The following OGFR variants were observed in gnomAD, a reference collection of about 807,000 sequenced individuals.
OGFR encodes the protein protein 7-60.
A neutral mutation model predicts 33.6 loss-of-function variants in OGFR; 18 were observed. That is an observed-to-expected ratio of 0.54 (90% CI 0.37 to 0.80). The LOEUF (loss-of-function observed/expected upper bound fraction) is 0.80. OGFR is among the 30% of genes least tolerant of loss of function. The pLI is 0.00. For missense variants in OGFR, 877 were observed against 955.8 expected (o/e 0.92, Z 1.09); for synonymous variants, 370 against 400.7 (o/e 0.92, Z 0.91).
chr20:62,810,600 A>G (rs1446907635), intron 5 of OGFR, 35 bp downstream of exon 5: 1 of 1,605,100 alleles, frequency 6.2e-7, no homozygotes, highest in Admixed American at 1.7e-5. Flanking sequence ...GGAGGGGAAG[A>G]TGGGGAGGCC....
In OGFR at chr20:62,812,457, G is replaced by A. The variant is rs200108407; in HGVS notation, c.842G>A (p.Arg281His). Residue 281 changes from arginine to histidine, a missense_variant, in exon 7 of 7, where the codon CGC becomes CAC. Around this residue, in one of 3 missense-constraint regions of OGFR, gnomAD observed 760 missense variants for 736.0 expected, o/e 1.03. Transcript: ENST00000290291. Reference protein sequence around the residue: ...VHFAWEHFRPRCKFVWGPQDK... With the variant: ...VHFAWEHFRPHCKFVWGPQDK... ...TTCGCCTGGGAGCACTTCCGGCCCC[G>A]CTGCAAGTTCGTCTGGGGGCCCCAA... 1,934 of 1,580,412 alleles carry A rather than the reference G, an allele frequency of 1.2e-3. 5 individuals are homozygous for A. The highest frequency in any genetic ancestry group is 1.5e-3 in the Non-Finnish European group (1,723 of 1,163,632).
At chr20:62,811,024 G>C (rs1009272039) in intron 5 of OGFR, among the ~76,000 whole-genome samples, 5 of 152,240 alleles carry the variant, frequency 3.3e-5, no homozygotes, top group Admixed American at 2.0e-4. Flanking sequence ...CAGCTCAGAG[G>C]AGAGATGGAG....
At chr20:62,808,187 G>A (rs755891860) in intron 2 of OGFR, 60 bp from the exon 3 acceptor site, 19 of 1,323,252 alleles carry the variant, frequency 1.4e-5, no homozygotes, top group Middle Eastern at 3.6e-4. Flanking sequence ...AAGACACGGA[G>A]GGCCCCAGGG....
intron 3 of OGFR, 111 bp from the exon 4 acceptor site, chr20:62,809,474 T>C: frequency 1.2e-6 from 1 of 802,354 alleles, no homozygotes; most frequent in Non-Finnish European, 2.2e-6. Context: ...GAGGAATAGC[T>C]TGGGGAAGCT....
At chr20:62,809,742 C>A in intron 4 of OGFR, 79 bp downstream of exon 4, 1 of 1,150,822 alleles carries the variant, frequency 8.7e-7, no homozygotes, top group Non-Finnish European at 1.3e-6. Flanking sequence ...GCCCTCCCGA[C>A]GCTGCTTCCT....
rs202064940 is a variant in OGFR at position 62,813,391 on chromosome 20, T to C, written c.1776T>C (p.Asp592=). ...PGPSPAGPTR[D]EPAESPSETP... ...CCAGCCCGGCAGGACCTACAAGGGA[T>C]GAGCCAGCCGAGAGCCCATCGGAGA... Residue 592 remains aspartate (D), a synonymous_variant, in exon 7 of 7, where the codon GAT becomes GAC. Coordinates refer to ENST00000290291, the MANE Select transcript of OGFR (RefSeq NM_007346.4). 1.6e-5 allele frequency: 23 copies of C among 1,465,932 alleles called. 1 individual carries two copies. The highest frequency in any genetic ancestry group is 2.5e-5 in the East Asian group (1 of 39,236). The allele number at this position is 1,465,932 out of a possible 1,614,324, so 90.8% of individuals were successfully genotyped here.
Position 62,812,531 on chromosome 20 carries a change from G to T in OGFR, c.916G>T (p.Gly306Cys), listed in dbSNP as rs1323009162. The T allele has an allele frequency of 1.3e-6, 2 of 1,586,034 alleles. No individual in the cohort carries two copies. The highest frequency in any genetic ancestry group is 8.6e-7 in the Non-Finnish European group (1 of 1,166,792). Residue 306 changes from glycine (G) to cysteine (C), a missense_variant, in exon 7 of 7, where the codon GGC (glycine) becomes TGC (cysteine). Gly to Cys is a radical substitution (Grantham distance 159). Transcript: ENST00000290291. ...KPSSLPHPLEGSRKVEEEGSP... is the reference protein window; with the variant it reads ...KPSSLPHPLECSRKVEEEGSP... ...CAGCTCTCTGCCCCATCCGCTCGAGGGCTCCAGGAAGGTGGAGGAGGAAGG... is the reference window on the plus strand; with the variant it reads ...CAGCTCTCTGCCCCATCCGCTCGAGTGCTCCAGGAAGGTGGAGGAGGAAGG...
rs373740743 is a variant in OGFR at position 62,813,838 on chromosome 20, C to G, written c.*189C>G. Reference sequence around the variant, plus strand: ...CGAGGCCCTCAGGGAAGCCCAAGGCCTGCAGAAGCCTCCTGGCCTGGCTGT... The same window carrying G: ...CGAGGCCCTCAGGGAAGCCCAAGGCGTGCAGAAGCCTCCTGGCCTGGCTGT... On this transcript the variant is annotated 3_prime_UTR_variant, in exon 7 of 7. Transcript: ENST00000290291. 2 of 646,340 alleles carry G rather than the reference C, an allele frequency of 3.1e-6. No individual in the cohort carries two copies. Among genetic ancestry groups the G allele is most frequent in the East Asian group, 5.5e-5 (2 of 36,610 alleles). 40.0% of individuals were successfully genotyped at this position (646,340 alleles called of 1,614,324 possible). A position where few individuals can be genotyped will look rare whatever the true frequency, so the allele number is the denominator to read the frequency against.
rs1990793566 is a variant in OGFR at position 62,813,419 on chromosome 20, C to T, written c.1804C>T (p.Pro602Ser). 2 of 1,533,572 alleles carry T rather than the reference C, an allele frequency of 1.3e-6. No individual in the cohort carries two copies. The highest frequency in any genetic ancestry group is 1.7e-6 in the Non-Finnish European group (2 of 1,154,536). 95.0% of individuals were successfully genotyped at this position (1,533,572 alleles called of 1,614,324 possible). A position where few individuals can be genotyped will look rare whatever the true frequency, so the allele number is the denominator to read the frequency against. Residue 602 changes from proline (P) to serine (S), a missense_variant, in exon 7 of 7, where the codon CCA becomes TCA. Physicochemically the swap from Pro to Ser is moderately conservative, Grantham distance 74. Coordinates refer to ENST00000290291, the MANE Select transcript of OGFR (RefSeq NM_007346.4). ...DEPAESPSET[P>S]GPRPAGPAGD... is the part of the protein sequence containing the mutation. ...GCCAGCCGAGAGCCCATCGGAGACC[C>T]CAGGCCCCCGCCCGGCAGGACCTGC...
rs770435292 is a variant in OGFR at position 62,804,925 on chromosome 20, C to G, written c.66C>G (p.Asp22Glu). The G allele has an allele frequency of 6.7e-7, 1 of 1,493,986 alleles. No individual in the cohort carries two copies. Among genetic ancestry groups the G allele is most frequent in the South Asian group, 1.3e-5 (1 of 79,242 alleles). The allele number at this position is 1,493,986 out of a possible 1,614,324, so 92.5% of individuals were successfully genotyped here. ...EDEEDAEDAEDEDCEDGEAAG... is the reference protein window; with the variant it reads ...EDEEDAEDAEEEDCEDGEAAG... ...AGGAGGATGCGGAGGACGCGGAGGA[C>G]GAGGACTGCGAGGACGGCGAGGCCG... The change falls in exon 1 of 7, where the codon GAC becomes GAG. Residue 22 changes from aspartate (D) to glutamate (E), a missense_variant. By Grantham distance (45) the Asp-to-Glu change is conservative (BLOSUM62 2). Coordinates refer to ENST00000290291, the MANE Select transcript of OGFR (RefSeq NM_007346.4).
rs916795153 is a variant in OGFR, at chr20:62,813,535, G to A, written c.1920G>A (p.Glu640=). 7 of 1,604,862 alleles carry A rather than the reference G, an allele frequency of 4.4e-6. No homozygotes were observed. Among genetic ancestry groups the A allele is most frequent in the Non-Finnish European group, 4.2e-6 (5 of 1,178,104 alleles). Reference sequence around the variant, plus strand: ...ACGAGCCAGCCGAGAGCCCATCGGAGACCCCAGGCCCCAGCCCGGCAGGAC... The same window carrying A: ...ACGAGCCAGCCGAGAGCCCATCGGAAACCCCAGGCCCCAGCCCGGCAGGAC... ...AGDEPAESPS[E]TPGPSPAGPT... The change falls in exon 7 of 7, where the codon GAG becomes GAA. Residue 640 remains glutamate, a synonymous_variant. Coordinates refer to ENST00000290291, the MANE Select transcript of OGFR (RefSeq NM_007346.4).
chr20:62,806,354 C>G (rs1016166601), intron 1 of OGFR: 16 of 152,168 alleles, frequency 1.1e-4, no homozygotes, highest in African/African-American at 3.9e-4. Flanking sequence ...ATTAGCCTGG[C>G]CAACATGGTG....
intron 1 of OGFR, among the ~76,000 whole-genome samples, chr20:62,805,244 C>T (rs1222204415): frequency 1.3e-5 from 2 of 151,874 alleles, no homozygotes; most frequent in African/African-American, 4.8e-5. Context: ...AGCTGAGCCT[C>T]CCGGGCCCCA....
intron 5 of OGFR, 55 bp from the exon 6 acceptor site, chr20:62,811,407 C>T: frequency 1.3e-6 from 2 of 1,594,042 alleles, no homozygotes; most frequent in Non-Finnish European, 1.7e-6. Flanking sequence ...CCCCCACACT[C>T]AGGAACCGGG....
chr20:62,806,474 A>G (rs1990595490), intron 1 of OGFR: 1 of 150,862 alleles, frequency 6.6e-6, no homozygotes, highest in Admixed American at 6.6e-5. Flanking sequence ...TGGGAGGTGG[A>G]GGTTGCAGTG....
chr20:62,808,834 G>A (rs1052752659), intron 3 of OGFR, among the ~76,000 whole-genome samples: 1 of 151,930 alleles, frequency 6.6e-6, no homozygotes, highest in Non-Finnish European at 1.5e-5. Context: ...AATTAGCCAG[G>A]TGTGGTAGCG....
At position 62,812,554 on chromosome 20, in the gene OGFR, A is replaced by G. The variant is rs1284920580; in HGVS notation, c.939A>G (p.Glu313=). 1 of 1,584,236 alleles carries G rather than the reference A, an allele frequency of 6.3e-7. No individual in the cohort carries two copies. Among genetic ancestry groups the G allele is most frequent in the Non-Finnish European group, 8.6e-7 (1 of 1,165,740 alleles). The change falls in exon 7 of 7, where the codon GAA becomes GAG. Residue 313 remains glutamate (E), a synonymous_variant. Coordinates refer to ENST00000290291, the MANE Select transcript of OGFR (RefSeq NM_007346.4). ...AGGGCTCCAGGAAGGTGGAGGAGGA[A>G]GGAAGCCCCGGGGACCCCGACCACG... The part of the protein sequence containing the change: ...PLEGSRKVEE[E]GSPGDPDHEA...
In OGFR at chr20:62,804,935, G is replaced by A. The variant is rs1990547712; in HGVS notation, c.76G>A (p.Glu26Lys). The A allele has an allele frequency of 6.7e-7, 1 of 1,494,734 alleles. No homozygotes were observed. Among genetic ancestry groups the A allele is most frequent in the Non-Finnish European group, 8.9e-7 (1 of 1,122,316 alleles). 92.6% of individuals were successfully genotyped at this position (1,494,734 alleles called of 1,614,324 possible). Residue 26 changes from glutamate to lysine, a missense_variant, in exon 1 of 7, where the codon GAG becomes AAG. By Grantham distance (56) the Glu-to-Lys change is moderately conservative. This residue lies in a region of OGFR where 760 missense variants were observed against 736.0 expected (regional missense o/e 1.03). Coordinates refer to ENST00000290291, the MANE Select transcript of OGFR (RefSeq NM_007346.4). ...GGAGGACGCGGAGGACGAGGACTGC[G>A]AGGACGGCGAGGCCGCCGGCGCGAG... ...DAEDAEDEDC[E>K]DGEAAGARDA... is the part of the protein sequence containing the mutation.
intron 1 of OGFR, among the ~76,000 whole-genome samples, 153 bp downstream of exon 1, chr20:62,805,183 A>T (rs902710283): frequency 6.7e-6 from 1 of 148,944 alleles, no homozygotes; most frequent in Non-Finnish European, 1.5e-5. Context: ...GCCGACCCCC[A>T]GCCCCAGGGC....
Sources: gnomAD v4.1 joint callset for allele counts (sites outside exome capture counted in the v4.1 genomes callset) on GRCh38, gnomAD v4.1.1 for gene constraint, gnomAD v4.1.1 regional missense constraint, MANE v1.5 for transcripts, NCBI Gene and HGNC (gene_info 2026-07-23, HGNC 2026-07-21) for gene names.